KIAA1958: variants seen among roughly 807,000 people sequenced by gnomAD.
The protein encoded by KIAA1958 is uncharacterized protein KIAA1958.
Under a neutral mutation model 47.2 loss-of-function variants are expected in KIAA1958, and 14 were observed. The ratio of observed to expected loss-of-function variants is 0.30; its 90% CI spans 0.20 to 0.46. The LOEUF is 0.46. Among genes scored for constraint, KIAA1958 ranks in the 20% least tolerant of loss-of-function variants. KIAA1958 has a pLI of 1.00. For synonymous variants in KIAA1958, 354 were observed against 353.3 expected (o/e 1.00, Z -0.02); for missense variants, 803 against 909.2 (o/e 0.88, Z 1.50).
chr9:112,635,905 A>T (rs1473110737), intron 2 of KIAA1958, among the ~76,000 whole-genome samples: 1 of 150,996 alleles, frequency 6.6e-6, no homozygotes, highest in Non-Finnish European at 1.5e-5. Context: ...TTTTGGATAG[A>T]TTTCTTGTTC....
intron 3 of KIAA1958, among the ~76,000 whole-genome samples, chr9:112,648,117 A>G (rs747975245): frequency 6.6e-6 from 1 of 152,242 alleles, no homozygotes; most frequent in Non-Finnish European, 1.5e-5. Flanking sequence ...TTGAACAACC[A>G]TAAAACAGAT....
chr9:112,604,821 T>C (rs1341507816), intron 2 of KIAA1958, among the ~76,000 whole-genome samples: 2 of 151,218 alleles, frequency 1.3e-5, no homozygotes, highest in African/African-American at 4.8e-5. Context: ...GAACATATGC[T>C]GAGTACTCTG....
intron 2 of KIAA1958, among the ~76,000 whole-genome samples, chr9:112,638,257 G>T (rs569799596): frequency 6.6e-6 from 1 of 152,182 alleles, no homozygotes; most frequent in African/African-American, 2.4e-5. Flanking sequence ...ATAATGTCAG[G>T]ATTTTGGTAG....
chr9:112,565,937 T>G (rs928261328), intron 1 of KIAA1958, among the ~76,000 whole-genome samples: 6 of 152,244 alleles, frequency 3.9e-5, no homozygotes, highest in African/African-American at 1.4e-4. Context: ...GGAGTCTCGC[T>G]CTGTCGCCCA....
intron 1 of KIAA1958, among the ~76,000 whole-genome samples, chr9:112,498,545 T>A (rs1004160579): frequency 1.3e-5 from 2 of 148,774 alleles, no homozygotes; most frequent in Non-Finnish European, 3.0e-5. Context: ...CCTTTGAAGA[T>A]TCTTTTAAAG....
At chr9:112,561,671 A>G (rs1468501976) in intron 1 of KIAA1958, among the ~76,000 whole-genome samples, 2 of 152,130 alleles carry the variant, frequency 1.3e-5, no homozygotes, top group Non-Finnish European at 2.9e-5. Context: ...CCTGGCCAAC[A>G]TAGTGGAACC....
intron 2 of KIAA1958, among the ~76,000 whole-genome samples, chr9:112,639,752 GATGCCCTCC>G (rs2131238009): frequency 6.6e-6 from 1 of 152,260 alleles, no homozygotes; most frequent in East Asian, 1.9e-4. Flanking sequence ...CTCCTATGCA[GATGCCCTCC>G]ATGCCCTTAC....
At chr9:112,535,121 C>A (rs1339198597) in intron 1 of KIAA1958, among the ~76,000 whole-genome samples, 2 of 152,140 alleles carry the variant, frequency 1.3e-5, no homozygotes, top group African/African-American at 4.8e-5. Context: ...CACTTAAAAT[C>A]TCTCGGCAGT....
At position 112,526,196 on chromosome 9, in the gene KIAA1958, G is replaced by C. The variant is rs577453860; in HGVS notation, c.-25+39078G>C. Among the ~76,000 whole-genome samples, 3 of 143,538 alleles carry C rather than the reference G, an allele frequency of 2.1e-5. No individual in the cohort carries two copies. The East Asian group carries it at 6.3e-4, about 30-fold the overall frequency. The allele number at this position is 143,538 out of a possible 152,430, so 94.2% of individuals were successfully genotyped here. ...CCCATTCCAATCATTGACTGTCAGT[G>C]GTCTTAGTGTCTCTCTTAGTCCGTT... On this transcript the variant is annotated intron_variant, in intron 1 of 3. Transcript: ENST00000337530.
At chr9:112,524,985 A>T (rs1483040633) in intron 1 of KIAA1958, among the ~76,000 whole-genome samples, 1 of 152,026 alleles carries the variant, frequency 6.6e-6, no homozygotes, top group Non-Finnish European at 1.5e-5. Context: ...GAATAGGCTC[A>T]GTGAGATTCT....
At position 112,574,374 on chromosome 9, in the gene KIAA1958, T is replaced by C. The variant is rs771435925; in HGVS notation, c.294T>C (p.Pro98=). 6.8e-6 allele frequency: 11 copies of C among 1,614,046 alleles called. No homozygotes were observed. The South Asian group carries it at 1.2e-4, about 18-fold the overall frequency. Residue 98 remains proline (P), a synonymous_variant, in exon 2 of 4, where the codon CCT becomes CCC. Coordinates refer to ENST00000337530, the MANE Select transcript of KIAA1958 (RefSeq NM_133465.4). ...TGCCCTCTGAGACACAGACTAGCCC[T>C]GTTGAAAGGTACCCTGGGAGACCAG... is the stretch of plus-strand genomic sequence containing the variant. ...IGVPSETQTS[P]VERYPGRPVK... is the part of the protein sequence containing the mutation.
intron 1 of KIAA1958, among the ~76,000 whole-genome samples, chr9:112,527,837 C>T (rs542645398): frequency 2.6e-5 from 4 of 150,956 alleles, no homozygotes; most frequent in African/African-American, 7.3e-5. Context: ...CTGGCGAGGC[C>T]GAGGTGGAAG....
At chr9:112,653,549 C>G (rs1161719930) in intron 3 of KIAA1958, among the ~76,000 whole-genome samples, 1 of 152,156 alleles carries the variant, frequency 6.6e-6, no homozygotes, top group Non-Finnish European at 1.5e-5. Flanking sequence ...TCCCCATATT[C>G]CCACAGTCTA....
At chr9:112,658,939 G>T (rs1260271923) in intron 3 of KIAA1958, among the ~76,000 whole-genome samples, 3 of 143,898 alleles carry the variant, frequency 2.1e-5, no homozygotes, top group Non-Finnish European at 4.5e-5. Context: ...AGAATGGCGT[G>T]AACCCGGGAG....
chr9:112,621,370 G>A (rs1836504662), intron 2 of KIAA1958, among the ~76,000 whole-genome samples: 1 of 152,152 alleles, frequency 6.6e-6, no homozygotes, highest in South Asian at 2.1e-4. Flanking sequence ...AAAGGTCTCT[G>A]TAAAACACTT....
intron 1 of KIAA1958, among the ~76,000 whole-genome samples, chr9:112,531,335 A>C (rs7042151): frequency 0.95 from 145,332 of 152,260 alleles, 69,434 homozygotes; most frequent in African/African-American, 0.99. Flanking sequence ...TTGTGGTGAG[A>C]CGAGATCACG....
intron 2 of KIAA1958, among the ~76,000 whole-genome samples, chr9:112,592,639 A>T (rs568953853): frequency 1.3e-5 from 2 of 152,372 alleles, no homozygotes; most frequent in Non-Finnish European, 2.9e-5. Context: ...GTACTTTAGT[A>T]GCAATGCAGG....
intron 1 of KIAA1958, among the ~76,000 whole-genome samples, chr9:112,506,063 T>C (rs367570896): frequency 8.1e-4 from 123 of 152,358 alleles, no homozygotes; most frequent in African/African-American, 2.8e-3. Context: ...ACAAATTGTG[T>C]TTCTATAAAG....
rs77550161 is a variant in KIAA1958, at chr9:112,601,758, T to G, written c.1171+26507T>G. 7.8e-3 allele frequency among the ~76,000 whole-genome samples: 1,188 copies of G among 152,310 alleles called. 10 individuals are homozygous for G. The highest frequency in any genetic ancestry group is 0.027 in the African/African-American group (1,138 of 41,570). The stretch of plus-strand genomic sequence containing the variant: ...GGTAAATTTTGTGTTCTATTTCTGT[T>G]TTCTAAATTTTTATTAAGGAGAAAA... On this transcript the variant is annotated intron_variant, in intron 2 of 3. Transcript: ENST00000337530.
Sources: allele counts gnomAD v4.1 joint callset (sites outside exome capture counted in the v4.1 genomes callset), GRCh38; gene constraint gnomAD v4.1.1; transcripts MANE v1.5; gene names NCBI Gene and HGNC (gene_info 2026-07-23, HGNC 2026-07-21).